Variants in GALNT15 observed in about 807,000 individuals in gnomAD.
GALNT15 encodes the protein UDP-GalNAc transferase T15.
GALNT15 carries 67 observed loss-of-function variants against 66.8 expected under a neutral mutation model. That is an observed-to-expected ratio of 1.00 (90% confidence interval 0.82 to 1.23). The LOEUF is 1.23. GALNT15 is among the 50% of genes most tolerant of loss of function. The pLI is 0.00. For synonymous variants in GALNT15, 313 were observed against 311.5 expected (o/e 1.00, Z -0.05); for missense variants, 827 against 804.3 (o/e 1.03, Z -0.34).
At chr3:16,231,204 G>T (rs1041516571), downstream of GALNT15, among the ~76,000 whole-genome samples, 4 of 152,088 alleles carry the variant, frequency 2.6e-5, no homozygotes, top group Admixed American at 1.3e-4. The surrounding 1 kb of genome is among the most constrained non-coding windows in gnomAD (Gnocchi z 4.1). Context: ...TGCATGCAGG[G>T]CTTAAAACCT....
At position 16,176,959 on chromosome 3, in the gene GALNT15, G is replaced by A. The variant is rs543118400; in HGVS notation, c.539+1269G>A. 1.3e-5 allele frequency among the ~76,000 whole-genome samples: 2 copies of A among 152,190 alleles called. No individual in the cohort carries two copies. Among genetic ancestry groups the A allele is most frequent in the East Asian group, 1.9e-4 (1 of 5,178 alleles). On this transcript the variant is annotated intron_variant, in intron 1 of 9. Transcript: ENST00000339732. The surrounding 1 kb of genome is among the most constrained non-coding windows in gnomAD (Gnocchi z 5.6). ...CGCACCCTACTTCCATTTCAAACCC[G>A]CTACACTGTTTTCAAGCCTTACCTT...
In GALNT15 at chr3:16,191,003, T is replaced by C. The variant is rs2063571321; in HGVS notation, c.540-4757T>C. Among the ~76,000 whole-genome samples, 1 of 152,200 alleles carries C rather than the reference T, an allele frequency of 6.6e-6. No homozygotes were observed. Among genetic ancestry groups the C allele is most frequent in the Non-Finnish European group, 1.5e-5 (1 of 68,036 alleles). The stretch of plus-strand genomic sequence containing the variant: ...TGCCAGGAGACCTGCCTCCACAGCT[T>C]GGCGGGGCATCCCCCATAGCCTTGT... On this transcript the variant is annotated intron_variant, in intron 1 of 9. Transcript: ENST00000339732. The surrounding 1 kb of genome is among the most constrained non-coding windows in gnomAD (Gnocchi z 5.2).
intron 1 of GALNT15, among the ~76,000 whole-genome samples, chr3:16,178,589 G>T (rs559724092): frequency 2.6e-5 from 4 of 152,144 alleles, no homozygotes; most frequent in Non-Finnish European, 5.9e-5. Flanking sequence ...TCCAGTCTGC[G>T]GTTCAAGCTC....
At chr3:16,239,061 A>G in the GALNT15 span, among the ~76,000 whole-genome samples, 1 of 152,124 alleles carries the variant, frequency 6.6e-6, no homozygotes, top group Non-Finnish European at 1.5e-5. The surrounding 1 kb of genome is among the most constrained non-coding windows in gnomAD (Gnocchi z 5.2). Context: ...TCACCACAAC[A>G]CCAAACATGA....
chr3:16,220,090 C>T (rs2063926903), intron 8 of GALNT15, 76 bp downstream of exon 8: 1 of 1,092,388 alleles, frequency 9.2e-7, no homozygotes, highest in Non-Finnish European at 1.4e-6. Context: ...CTGGGATGCC[C>T]CATACTTCCC....
the GALNT15 span, among the ~76,000 whole-genome samples, chr3:16,242,368 T>C: frequency 1.3e-5 from 2 of 152,206 alleles, no homozygotes; most frequent in Non-Finnish European, 2.9e-5. This position sits in a 1 kb window ranked among gnomAD's most constrained non-coding sequence, Gnocchi z 5.6. Context: ...ACTTGCAGAA[T>C]GCGTCTGCCC....
At position 16,182,805 on chromosome 3, in the gene GALNT15, T is replaced by C. The variant is rs1377383867; in HGVS notation, c.539+7115T>C. 3 of 152,326 alleles carry C rather than the reference T, an allele frequency of 2.0e-5. No individual in the cohort carries two copies. Among genetic ancestry groups the C allele is most frequent in the Non-Finnish European group, 4.4e-5 (3 of 68,034 alleles). 9.4% of individuals were successfully genotyped at this position (152,326 alleles called of 1,614,324 possible). On this transcript the variant is annotated intron_variant, in intron 1 of 9. Transcript: ENST00000339732. This position sits in a 1 kb window ranked among gnomAD's most constrained non-coding sequence, Gnocchi z 6.1. ...CTACTTGACCTAAGTCTACATTTAA[T>C]GAGGTCCCGGATGGTTCAAGGGCAT...
chr3:16,185,541 C>T (rs140975702), intron 1 of GALNT15, among the ~76,000 whole-genome samples: 4 of 152,310 alleles, frequency 2.6e-5, no homozygotes, highest in Admixed American at 1.3e-4. Context: ...GCACGACTCC[C>T]TGTAAGCACA....
chr3:16,215,916 A>AAACAAAAAAAAAAAACAAAAAAC (rs1019009823), intron 6 of GALNT15, among the ~76,000 whole-genome samples: 2 of 143,454 alleles, frequency 1.4e-5, no homozygotes, highest in South Asian at 4.9e-4. Flanking sequence ...CAAAAAAAAA[A>AAACAAAAAAAAAAAACAAAAAAC]AAAAAAAAAG....
Position 16,175,537 on chromosome 3 carries a change from A to T in GALNT15, c.386A>T (p.Glu129Val). ...LIKQPRRQDK[E>V]APKRDWGADE... The stretch of plus-strand genomic sequence containing the variant: ...AAGCAGCCAAGGAGGCAGGATAAGG[A>T]AGCCCCAAAGAGGGACTGGGGGGCT... Residue 129 changes from glutamate to valine, a missense_variant, in exon 1 of 10, where the codon GAA becomes GTA. Coordinates refer to ENST00000339732, the MANE Select transcript of GALNT15 (RefSeq NM_054110.5). This position sits in a 1 kb window ranked among gnomAD's most constrained non-coding sequence, Gnocchi z 5.6. 6.2e-7 allele frequency: 1 copy of T among 1,614,044 alleles called. No individual in the cohort carries two copies. Among genetic ancestry groups the T allele is most frequent in the Non-Finnish European group, 8.5e-7 (1 of 1,179,996 alleles).
rs149052695 is a variant in GALNT15, at chr3:16,193,867, C to T, written c.540-1893C>T. 2.2e-3 allele frequency among the ~76,000 whole-genome samples: 328 copies of T among 152,276 alleles called. 1 individual carries two copies. The highest frequency in any genetic ancestry group is 7.2e-3 in the African/African-American group (301 of 41,544). On this transcript the variant is annotated intron_variant, in intron 1 of 9. Transcript: ENST00000339732. The surrounding 1 kb of genome is among the most constrained non-coding windows in gnomAD (Gnocchi z 4.7). ...CAGAAAGAGGCTCTTCAGAAACACA[C>T]GTTAAGAAAGTGCCTTTTGTAAGCA...
In GALNT15 at chr3:16,175,333, T is replaced by C. The variant is rs915481297; in HGVS notation, c.182T>C (p.Phe61Ser). 6.2e-7 allele frequency: 1 copy of C among 1,614,166 alleles called. No individual in the cohort carries two copies. The change falls in exon 1 of 10, where the codon TTT becomes TCT. Residue 61 changes from phenylalanine to serine, a missense_variant. Physicochemically the swap from Phe to Ser is radical, Grantham distance 155. Coordinates refer to ENST00000339732, the MANE Select transcript of GALNT15 (RefSeq NM_054110.5). This position sits in a 1 kb window ranked among gnomAD's most constrained non-coding sequence, Gnocchi z 5.6. ...CCTGAAGCCAGGTACCGCCTGGACT[T>C]TGGGGAATCCCAGGATTGGGTACTG... Reference protein sequence around the residue: ...HSPEARYRLDFGESQDWVLEA... With the variant: ...HSPEARYRLDSGESQDWVLEA...
At position 16,191,445 on chromosome 3, in the gene GALNT15, G is replaced by C; in HGVS notation, c.540-4315G>C. 1 of 652,780 alleles carries C rather than the reference G, an allele frequency of 1.5e-6. No homozygotes were observed. Among genetic ancestry groups the C allele is most frequent in the Non-Finnish European group, 1.9e-6 (1 of 526,094 alleles). The allele number at this position is 652,780 out of a possible 1,614,324, so 40.4% of individuals were successfully genotyped here. A position where few individuals can be genotyped will look rare whatever the true frequency, so the allele number is the denominator to read the frequency against. On this transcript the variant is annotated intron_variant, in intron 1 of 9. Coordinates refer to ENST00000339732, the MANE Select transcript of GALNT15 (RefSeq NM_054110.5). This position sits in a 1 kb window ranked among gnomAD's most constrained non-coding sequence, Gnocchi z 5.2. ...TCTCCACAACAGCAAATCCCAAAAA[G>C]TGGGCCCTACGGCTACCTTTCTGAG...
At chr3:16,220,233 G>C in intron 8 of GALNT15, 2 of 557,352 alleles carry the variant, frequency 3.6e-6, no homozygotes, top group Non-Finnish European at 3.2e-6. Flanking sequence ...GAAAATAAAA[G>C]CATCTTAGTT....
In GALNT15 at chr3:16,212,782, G is replaced by C. The variant is rs1018337504; in HGVS notation, c.1392+19G>C. ...GAGCAAGGTAAGGAGAGAGCCAAGT[G>C]GGGCTTCTGTGTCCAGCACAGGGCC... is the stretch of plus-strand genomic sequence containing the variant. On this transcript the variant is annotated intron_variant, in intron 6 of 9. Coordinates refer to ENST00000339732, the MANE Select transcript of GALNT15 (RefSeq NM_054110.5). 3 of 1,607,246 alleles carry C rather than the reference G, an allele frequency of 1.9e-6. No homozygotes were observed. Among genetic ancestry groups the C allele is most frequent in the Non-Finnish European group, 1.7e-6 (2 of 1,176,204 alleles).
At chr3:16,179,651 G>A (rs2124836221) in intron 1 of GALNT15, among the ~76,000 whole-genome samples, 1 of 152,320 alleles carries the variant, frequency 6.6e-6, no homozygotes, top group South Asian at 2.1e-4. Flanking sequence ...GAAAAAGTAA[G>A]GCACAGAAAG....
chr3:16,240,135 C>T, the GALNT15 span, among the ~76,000 whole-genome samples: 1 of 152,226 alleles, frequency 6.6e-6, no homozygotes. Context: ...TGTGCTGTGA[C>T]AAATTTCACT....
chr3:16,207,119 C>T (rs2063765239), intron 3 of GALNT15, among the ~76,000 whole-genome samples: 1 of 152,156 alleles, frequency 6.6e-6, no homozygotes, highest in Non-Finnish European at 1.5e-5. Flanking sequence ...CCCACAACTC[C>T]TTACACTTAT....
At chr3:16,208,920 A>G (rs546745480) in intron 4 of GALNT15, among the ~76,000 whole-genome samples, 1 of 152,362 alleles carries the variant, frequency 6.6e-6, no homozygotes, top group African/African-American at 2.4e-5. Flanking sequence ...ACCCAGATGT[A>G]GGTGCTACCA....
Sources: gnomAD v4.1 joint callset for allele counts (sites outside exome capture counted in the v4.1 genomes callset) on GRCh38, gnomAD v4.1.1 for gene constraint, Gnocchi (gnomAD v3.1) non-coding constraint, MANE v1.5 for transcripts, NCBI Gene and HGNC (gene_info 2026-07-23, HGNC 2026-07-21) for gene names.